The following MRAP variants were observed in gnomAD, a reference collection of about 807,000 sequenced individuals.
MRAP encodes the protein melanocortin 2 receptor accessory protein, also known as melanocortin-2 receptor accessory protein.
In MRAP, 8 loss-of-function variants were observed where a neutral mutation model predicts 8.7. The observed-to-expected ratio is 0.92, with a 90% confidence interval of 0.54 to 1.66. MRAP has a LOEUF of 1.66. Among genes scored for constraint, MRAP ranks in the 40% most tolerant of loss-of-function variants. MRAP has a pLI of 0.00. For missense variants in MRAP, 237 were observed against 217.1 expected (o/e 1.09, Z -0.58); for synonymous variants, 95 against 95.5 (o/e 1.00, Z 0.03).
chr21:32,306,814 C>T, intron 2 of MRAP, 75 bp downstream of exon 2: 1 of 1,184,344 alleles, frequency 8.4e-7, no homozygotes, highest in Non-Finnish European at 1.3e-6. Context: ...TTGAGTATCC[C>T]TCATCCAAAA....
chr21:32,311,634 C>A, intron 2 of MRAP, 50 bp from the exon 3 acceptor site: 4 of 1,599,936 alleles, frequency 2.5e-6, no homozygotes, highest in Non-Finnish European at 3.4e-6. Context: ...ACAGTATGGA[C>A]TGTTCTGCAG....
downstream of MRAP, chr21:32,314,585 G>A: frequency 6.2e-7 from 1 of 1,614,212 alleles, no homozygotes; most frequent in Non-Finnish European, 8.5e-7. Context: ...GCATTCAGAA[G>A]TGCTGCCTCA....
At chr21:32,301,069 C>G (rs1187072412) in intron 1 of MRAP, among the ~76,000 whole-genome samples, 1 of 150,852 alleles carries the variant, frequency 6.6e-6, no homozygotes, top group Non-Finnish European at 1.5e-5. Context: ...TATCATATAT[C>G]CATATATATC....
chr21:32,292,987 C>T (rs572261703), intron 1 of MRAP: 1 of 152,082 alleles, frequency 6.6e-6, no homozygotes, highest in Non-Finnish European at 1.5e-5. Flanking sequence ...CTTTATGTGG[C>T]AAAAGGGACT....
intron 1 of MRAP, among the ~76,000 whole-genome samples, chr21:32,304,478 G>T (rs968163161): frequency 2.0e-5 from 3 of 152,128 alleles, no homozygotes; most frequent in Non-Finnish European, 2.9e-5. Context: ...AGCTGGATGT[G>T]GTGGTGGGCA....
At chr21:32,312,461 C>A, downstream of MRAP, 1 of 408,922 alleles carries the variant, frequency 2.4e-6, no homozygotes, top group Non-Finnish European at 3.7e-6. Flanking sequence ...TCTGCCCTGC[C>A]AGGTCAGCTC....
chr21:32,314,568 C>A (rs1350171930), downstream of MRAP: 2 of 1,614,002 alleles, frequency 1.2e-6, no homozygotes, highest in Non-Finnish European at 1.7e-6. Context: ...ACAGATGAAT[C>A]TCTTCTGCAT....
chr21:32,305,723 C>T (rs1455887293), intron 1 of MRAP, among the ~76,000 whole-genome samples: 1 of 152,190 alleles, frequency 6.6e-6, no homozygotes, highest in African/African-American at 2.4e-5. Flanking sequence ...CAGCTTGTGA[C>T]ATCTTGGCAT....
At chr21:32,295,529 A>G (rs991398107), upstream of MRAP, among the ~76,000 whole-genome samples, 5 of 152,238 alleles carry the variant, frequency 3.3e-5, no homozygotes, top group African/African-American at 1.2e-4. Context: ...AGTTAACAAC[A>G]GCCTAACCAT....
At chr21:32,307,818 G>A in intron 2 of MRAP, among the ~76,000 whole-genome samples, 1 of 152,178 alleles carries the variant, frequency 6.6e-6, no homozygotes, top group Non-Finnish European at 1.5e-5. Context: ...AGGCTGCAGT[G>A]AGCTGTGATT....
In MRAP at chr21:32,306,703, T is replaced by C; in HGVS notation, c.170T>C (p.Leu57Ser). ...TTCGTGGTGCTGCTCTTCCTCATCT[T>C]GCTCTACATGTCCTGGTCCGCCTCC... ...AAFVVLLFLI[L>S]LYMSWSASPQ... Residue 57 changes from leucine (L) to serine (S), a missense_variant, in exon 2 of 3, where the codon TTG becomes TCG. Transcript: ENST00000303645. The C allele has an allele frequency of 6.2e-7, 1 of 1,614,188 alleles. No homozygotes were observed.
rs1369399307 is a variant in MRAP, at chr21:32,312,214, C to T, written c.*218C>T. ...GGTGTTGCTGAGTTTATTGAGCACA[C>T]CTAGCCTGCTTGCTTACTGCTTATA... On this transcript the variant is annotated 3_prime_UTR_variant, in exon 3 of 3. Transcript: ENST00000303645. 4.8e-6 allele frequency: 7 copies of T among 1,457,204 alleles called. No homozygotes were observed. The highest frequency in any genetic ancestry group is 6.3e-6 in the Non-Finnish European group (7 of 1,107,614). The allele number at this position is 1,457,204 out of a possible 1,614,324, so 90.3% of individuals were successfully genotyped here. A position where few individuals can be genotyped will look rare whatever the true frequency, so the allele number is the denominator to read the frequency against.
At chr21:32,301,418 C>T (rs1198565551) in intron 1 of MRAP, among the ~76,000 whole-genome samples, 3 of 152,196 alleles carry the variant, frequency 2.0e-5, no homozygotes, top group African/African-American at 7.2e-5. Context: ...TCCTCTTGCT[C>T]TGGCCATGGA....
chr21:32,294,702 A>C (rs1305911230), upstream of MRAP, among the ~76,000 whole-genome samples: 1 of 152,146 alleles, frequency 6.6e-6, no homozygotes, highest in African/African-American at 2.4e-5. Flanking sequence ...AGCTGAATGT[A>C]ATTTATCAAT....
chr21:32,293,873 T>C (rs2032093741), upstream of MRAP, among the ~76,000 whole-genome samples: 1 of 152,176 alleles, frequency 6.6e-6, no homozygotes, highest in South Asian at 2.1e-4. Flanking sequence ...TTTTTTTAAA[T>C]TGTTTTTCTA....
chr21:32,312,634 G>A (rs1186640055), downstream of MRAP: 4 of 158,322 alleles, frequency 2.5e-5, no homozygotes, highest in Non-Finnish European at 5.6e-5. Context: ...AACACAAAGA[G>A]CCCTGGAAGC....
upstream of MRAP, among the ~76,000 whole-genome samples, chr21:32,296,993 C>T (rs969992618): frequency 6.6e-6 from 1 of 152,160 alleles, no homozygotes; most frequent in African/African-American, 2.4e-5. Flanking sequence ...TACGGTGTCA[C>T]TAGTGATAGG....
chr21:32,297,702 T>G (rs1046841115), upstream of MRAP, among the ~76,000 whole-genome samples: 4 of 152,116 alleles, frequency 2.6e-5, no homozygotes, highest in Non-Finnish European at 2.9e-5. Context: ...GAATAGGAAA[T>G]TGCTTGGTAT....
At chr21:32,292,447 A>G (rs73901383) in intron 1 of MRAP, among the ~76,000 whole-genome samples, 2,744 of 152,246 alleles carry the variant, frequency 0.018, 72 homozygotes, top group African/African-American at 0.061. Context: ...TGTTTGTTTC[A>G]GTATTAAAAT....
Sources: gnomAD v4.1 joint callset for allele counts (sites outside exome capture counted in the v4.1 genomes callset) on GRCh38, gnomAD v4.1.1 for gene constraint, MANE v1.5 for transcripts, NCBI Gene and HGNC (gene_info 2026-07-23, HGNC 2026-07-21) for gene names.